Variants in KDM6A observed in about 807,000 individuals in gnomAD.
The protein encoded by KDM6A is lysine-specific demethylase 6A.
In KDM6A, 11 loss-of-function variants were observed where a neutral mutation model predicts 117.6. The observed-to-expected ratio is 0.09, with a 90% confidence interval of 0.06 to 0.15. KDM6A has a LOEUF of 0.15. KDM6A is among the 10% of genes least tolerant of loss of function. The pLI is 1.00. For synonymous variants in KDM6A, 384 were observed against 396.1 expected (o/e 0.97, Z 0.36); for missense variants, 799 against 1,077.3 (o/e 0.74, Z 3.62).
intron 6 of KDM6A, among the ~76,000 whole-genome samples, chrX:45,032,880 T>C (rs1210905296): frequency 1.8e-5 from 2 of 112,511 alleles, no homozygotes; most frequent in African/African-American, 6.5e-5. Context: ...TGTTTTATAA[T>C]TACACAAAAC....
intron 2 of KDM6A, among the ~76,000 whole-genome samples, chrX:44,920,281 A>G (rs1283908970): frequency 9.0e-6 from 1 of 111,238 alleles, no homozygotes; most frequent in Non-Finnish European, 1.9e-5. Flanking sequence ...ATGAGTGTTT[A>G]GGATTTATTA....
intron 7 of KDM6A, 123 bp from the exon 8 acceptor site, chrX:45,037,532 C>A (rs2042869834): frequency 1.4e-5 from 7 of 510,768 alleles, no homozygotes; most frequent in Non-Finnish European, 3.3e-6. Context: ...TTATGTTTTT[C>A]TATTACTTAA....
chrX:44,986,194 T>C (rs1268848228), intron 4 of KDM6A, among the ~76,000 whole-genome samples: 2 of 110,417 alleles, frequency 1.8e-5, no homozygotes, highest in African/African-American at 3.3e-5. Flanking sequence ...AGTTTATTTG[T>C]GTAGAGGTGT....
chrX:45,075,832 T>G (rs1459298040), intron 18 of KDM6A, among the ~76,000 whole-genome samples: 1 of 111,862 alleles, frequency 8.9e-6, no homozygotes, highest in African/African-American at 3.2e-5. Context: ...AATTTCAAAT[T>G]ATTACTTGAA....
At position 45,062,760 on chromosome X, in the gene KDM6A, A is replaced by T. The variant is rs1450342076; in HGVS notation, c.1683+12A>T. ...TGCAACAACACCAAGTGTGTATAGC[A>T]TATTTTTCCCTGAAATTTGTTAGCA... On this transcript the variant is annotated intron_variant, in intron 16 of 29. Transcript: ENST00000611820. 1 of 1,071,192 alleles carries T rather than the reference A, an allele frequency of 9.3e-7. No homozygotes were observed. The highest frequency in any genetic ancestry group is 1.8e-5 in the African/African-American group (1 of 55,199). 88.3% of individuals were successfully genotyped at this position (1,071,192 alleles called of 1,213,427 possible).
intron 2 of KDM6A, among the ~76,000 whole-genome samples, chrX:44,924,602 G>T (rs1055446590): frequency 9.1e-6 from 1 of 110,153 alleles, no homozygotes; most frequent in African/African-American, 3.3e-5. Flanking sequence ...GTTTGGTACT[G>T]TTTGAGCCAT....
chrX:44,907,590 C>A (rs2034798356), intron 2 of KDM6A, among the ~76,000 whole-genome samples: 1 of 104,807 alleles, frequency 9.5e-6, no homozygotes, highest in African/African-American at 3.5e-5. Context: ...TCAAGTGATT[C>A]TCCTGTCTCA....
intron 2 of KDM6A, among the ~76,000 whole-genome samples, chrX:44,935,977 C>G (rs182572649): frequency 8.9e-6 from 1 of 112,212 alleles, no homozygotes; most frequent in Admixed American, 9.5e-5. Flanking sequence ...CAGAGCTACT[C>G]TGGTGTATTA....
rs752179322 is a variant in KDM6A, at chrX:44,910,864, T to C, written c.225+36877T>C. 3.2e-3 allele frequency among the ~76,000 whole-genome samples: 359 copies of C among 112,208 alleles called. 1 individual carries two copies. The highest frequency in any genetic ancestry group is 0.011 in the African/African-American group (337 of 30,901). ...CCCAAGGCAGAAGAATTTTTCTTAGTACAGAACAAAATGGAGTCTCCTATG... is the reference window on the plus strand; with the variant it reads ...CCCAAGGCAGAAGAATTTTTCTTAGCACAGAACAAAATGGAGTCTCCTATG... On this transcript the variant is annotated intron_variant, in intron 2 of 29. Transcript: ENST00000611820.
chrX:45,065,481 A>G (rs1285777128), intron 17 of KDM6A, among the ~76,000 whole-genome samples: 1 of 112,070 alleles, frequency 8.9e-6, no homozygotes, highest in Admixed American at 9.5e-5. Flanking sequence ...CTCTGTGGAT[A>G]GACTGAAAGA....
chrX:44,883,536 C>T (rs748191004), intron 2 of KDM6A, among the ~76,000 whole-genome samples: 1 of 110,595 alleles, frequency 9.0e-6, no homozygotes, highest in Admixed American at 9.7e-5. Context: ...CCATGCCTAG[C>T]TAATTTTTTT....
intron 2 of KDM6A, among the ~76,000 whole-genome samples, chrX:44,887,036 C>T (rs1204175771): frequency 9.4e-6 from 1 of 106,772 alleles, no homozygotes; most frequent in Non-Finnish European, 1.9e-5. Context: ...CCAGGTTCAG[C>T]CTCAGCCTCC....
chrX:44,874,945 C>T (rs1293360702), intron 2 of KDM6A, among the ~76,000 whole-genome samples: 1 of 112,265 alleles, frequency 8.9e-6, no homozygotes, highest in Non-Finnish European at 1.9e-5. Flanking sequence ...AAGCAGCATG[C>T]ATAAGCCTGG....
chrX:45,063,621 A>G lies in KDM6A; in HGVS notation c.1883A>G (p.His628Arg), dbSNP rs1398025415. The G allele has an allele frequency of 3.3e-6, 4 of 1,210,949 alleles. No individual in the cohort carries two copies. The highest frequency in any genetic ancestry group is 5.9e-5 in the East Asian group (2 of 33,836). Residue 628 changes from histidine (H) to arginine (R), a missense_variant, in exon 17 of 30, where the codon CAT becomes CGT. By Grantham distance (29) the His-to-Arg change is conservative. Coordinates refer to ENST00000611820, the MANE Select transcript of KDM6A (RefSeq NM_001291415.2). ...PLANGPFSAG[H>R]VPCSTSRTLG... ...GCCAATGGACCCTTTTCTGCAGGCC[A>G]TGTTCCCTGTAGCACATCAAGAACG...
At position 45,079,437 on chromosome X, in the gene KDM6A, G is replaced by A. The variant is rs763898297; in HGVS notation, c.3300+86G>A. On this transcript the variant is annotated intron_variant, in intron 21 of 29. Coordinates refer to ENST00000611820, the MANE Select transcript of KDM6A (RefSeq NM_001291415.2). ...TTGAAAGGACACATTACTTTTATAT[G>A]CATCTCATCATTTTATGTTACATAA... 10 of 641,481 alleles carry A rather than the reference G, an allele frequency of 1.6e-5. No individual in the cohort carries two copies. In the South Asian group the frequency reaches 2.6e-4, roughly 17 times the overall value. The allele number at this position is 641,481 out of a possible 1,213,427, so 52.9% of individuals were successfully genotyped here.
At chrX:45,040,374 C>T (rs1269226938) in intron 8 of KDM6A, among the ~76,000 whole-genome samples, 2 of 91,020 alleles carry the variant, frequency 2.2e-5, no homozygotes, top group African/African-American at 8.2e-5. Context: ...ACCTCCCGGA[C>T]AGGGCGGCTG....
At chrX:44,980,446 C>T (rs916774849) in intron 4 of KDM6A, among the ~76,000 whole-genome samples, 6 of 110,387 alleles carry the variant, frequency 5.4e-5, no homozygotes, top group African/African-American at 1.6e-4. Context: ...AATTTGTCAT[C>T]GGTAATATTG....
At chrX:45,040,798 C>T (rs1446739702) in intron 8 of KDM6A, among the ~76,000 whole-genome samples, 4 of 62,844 alleles carry the variant, frequency 6.4e-5, no homozygotes, top group Non-Finnish European at 9.2e-5. Context: ...CCCTCCCGGA[C>T]GGGGCGGCTG....
chrX:45,017,837 C>T (rs998277592), intron 5 of KDM6A, among the ~76,000 whole-genome samples: 1 of 111,796 alleles, frequency 8.9e-6, no homozygotes, highest in Non-Finnish European at 1.9e-5. Flanking sequence ...ATGATTTGAT[C>T]GTAAAGTAGA....
Sources: allele counts gnomAD v4.1 joint callset (sites outside exome capture counted in the v4.1 genomes callset), GRCh38; gene constraint gnomAD v4.1.1; transcripts MANE v1.5; gene names NCBI Gene and HGNC (gene_info 2026-07-23, HGNC 2026-07-21).